Variants in FXN observed in about 807,000 individuals in gnomAD.
The protein encoded by FXN is frataxin, mitochondrial.
Under a neutral mutation model 22.4 loss-of-function variants are expected in FXN, and 14 were observed. That is an observed-to-expected ratio of 0.62 (90% CI 0.41 to 0.98). The LOEUF is 0.98. FXN is among the 50% of genes least tolerant of loss of function. The probability of loss-of-function intolerance (pLI) is 0.00; values close to 1 mark genes in which losing one functional copy is unlikely to be tolerated. For missense variants in FXN, 267 were observed against 268.4 expected (o/e 0.99, Z 0.04); for synonymous variants, 120 against 114.1 (o/e 1.05, Z -0.33).
At chr9:69,038,746 AG>A (rs1831605572) in intron 1 of FXN, among the ~76,000 whole-genome samples, 1 of 152,124 alleles carries the variant, frequency 6.6e-6, no homozygotes, top group Non-Finnish European at 1.5e-5. Flanking sequence ...TGAGCCCAGG[AG>A]GCAGAGGTTG....
At chr9:69,058,345 C>T (rs1477480498) in intron 3 of FXN, among the ~76,000 whole-genome samples, 1 of 152,160 alleles carries the variant, frequency 6.6e-6, no homozygotes, top group African/African-American at 2.4e-5. Context: ...TAAAATCTGC[C>T]TGGAGACTGT....
chr9:69,043,914 G>A (rs888497817), intron 1 of FXN, among the ~76,000 whole-genome samples: 2 of 151,964 alleles, frequency 1.3e-5, no homozygotes, highest in Non-Finnish European at 2.9e-5. Context: ...GTTGAAATGA[G>A]GTCTCTCTAT....
At chr9:69,057,196 A>AT (rs1831976477) in intron 3 of FXN, among the ~76,000 whole-genome samples, 2 of 152,080 alleles carry the variant, frequency 1.3e-5, no homozygotes, top group Non-Finnish European at 2.9e-5. Context: ...AAAACTTAAA[A>AT]TTTTTTTTAG....
chr9:69,078,977 A>T lies in FXN; in HGVS notation c.*6215A>T, dbSNP rs117140455. On this transcript the variant is annotated 3_prime_UTR_variant, in exon 5 of 5. Coordinates refer to ENST00000484259, the MANE Select transcript of FXN (RefSeq NM_000144.5). ...GACTGCTGTTGCCCTAGCATCTTGCACAGTTCCTTGCACACAATTAGAGCT... is the reference window on the plus strand; with the variant it reads ...GACTGCTGTTGCCCTAGCATCTTGCTCAGTTCCTTGCACACAATTAGAGCT... The T allele has an allele frequency of 8.9e-6, 8 of 898,386 alleles. No homozygotes were observed. The East Asian group carries it at 9.5e-4, about 107-fold the overall frequency. The allele number at this position is 898,386 out of a possible 1,614,324, so 55.7% of individuals were successfully genotyped here.
At chr9:69,052,008 C>T (rs911105011) in intron 2 of FXN, among the ~76,000 whole-genome samples, 4 of 152,088 alleles carry the variant, frequency 2.6e-5, no homozygotes, top group Admixed American at 2.6e-4. Context: ...CCACCATGCC[C>T]AGCTAATTTT....
chr9:69,039,728 G>A (rs1032377369), intron 1 of FXN, among the ~76,000 whole-genome samples: 3 of 152,198 alleles, frequency 2.0e-5, no homozygotes, highest in African/African-American at 7.2e-5. Flanking sequence ...ACCGGAGACA[G>A]CTTCGAGAAG....
chr9:69,072,557 G>T, intron 4 of FXN, 55 bp from the exon 5 acceptor site: 1 of 1,612,242 alleles, frequency 6.2e-7, no homozygotes, highest in Non-Finnish European at 8.5e-7. Flanking sequence ...TGGAATCAGT[G>T]GTTCATCTGA....
In FXN at chr9:69,075,367, G is replaced by A; in HGVS notation, c.*2605G>A. ...TTCAGCTACTCAGGAGGCTGAGGCA[G>A]GAGAATCGCTGTAACCTGGGGGGTG... On this transcript the variant is annotated 3_prime_UTR_variant, in exon 5 of 5. Transcript: ENST00000484259. The A allele has an allele frequency of 1.6e-6, 1 of 644,126 alleles. No homozygotes were observed. Among genetic ancestry groups the A allele is most frequent in the African/African-American group, 2.0e-5 (1 of 50,200 alleles). The allele number at this position is 644,126 out of a possible 1,614,324, so 39.9% of individuals were successfully genotyped here. A position where few individuals can be genotyped will look rare whatever the true frequency, so the allele number is the denominator to read the frequency against.
rs1459452530 is a variant in FXN, at chr9:69,077,380, T to G, written c.*4618T>G. 1 of 985,466 alleles carries G rather than the reference T, an allele frequency of 1.0e-6. No individual in the cohort carries two copies. 61.0% of individuals were successfully genotyped at this position (985,466 alleles called of 1,614,324 possible). Reference sequence around the variant, plus strand: ...GCTCATATGTTCCATCTTCTCTGGCTGTATAGTTTAAGGAATGGAAGGCAC... The same window carrying G: ...GCTCATATGTTCCATCTTCTCTGGCGGTATAGTTTAAGGAATGGAAGGCAC... On this transcript the variant is annotated 3_prime_UTR_variant, in exon 5 of 5. Transcript: ENST00000484259.
intron 3 of FXN, among the ~76,000 whole-genome samples, chr9:69,055,740 C>T (rs1329640085): frequency 2.0e-5 from 3 of 151,800 alleles, no homozygotes; most frequent in African/African-American, 7.3e-5. Context: ...GTGATCCACC[C>T]GCCTCAGCCT....
intron 1 of FXN, among the ~76,000 whole-genome samples, chr9:69,037,284 AAAG>A (rs193922938): frequency 1.3e-4 from 10 of 78,044 alleles, no homozygotes; most frequent in East Asian, 6.2e-4. Context: ...AAAAAAAAAA[AAAG>A]AAGAAGAAGA....
At chr9:69,058,570 C>T (rs1832005793) in intron 3 of FXN, among the ~76,000 whole-genome samples, 1 of 151,390 alleles carries the variant, frequency 6.6e-6, no homozygotes, top group Non-Finnish European at 1.5e-5. Flanking sequence ...TCTGGTCCCT[C>T]TCCCAATAAA....
At chr9:69,037,284 A>AAGAAGAAGAAGAAGAAGAAGAAG (rs71353102) in intron 1 of FXN, among the ~76,000 whole-genome samples, 4 of 78,060 alleles carry the variant, frequency 5.1e-5, no homozygotes, top group African/African-American at 1.4e-4. Context: ...AAAAAAAAAA[A>AAGAAGAAGAAGAAGAAGAAGAAG]AAGAAGAAGA....
At chr9:69,046,541 C>A in intron 2 of FXN, 59 bp downstream of exon 2, 1 of 1,198,382 alleles carries the variant, frequency 8.3e-7, no homozygotes, top group South Asian at 1.3e-5. Context: ...CTGCCTCTCC[C>A]ATTAGAACCT....
Position 69,046,484 on chromosome 9 carries a change from T to C in FXN, c.263+2T>C. 1 of 1,608,918 alleles carries C rather than the reference T, an allele frequency of 6.2e-7. No individual in the cohort carries two copies. Among genetic ancestry groups the C allele is most frequent in the East Asian group, 2.2e-5 (1 of 44,840 alleles). ...ATCTGGAACTTTGGGCCACCCAGGGTAAGATAAAACACCTTCCACGTCATA... is the reference window on the plus strand; with the variant it reads ...ATCTGGAACTTTGGGCCACCCAGGGCAAGATAAAACACCTTCCACGTCATA... On this transcript the variant is annotated splice_donor_variant, in intron 2 of 4. Coordinates refer to ENST00000484259, the MANE Select transcript of FXN (RefSeq NM_000144.5). LOFTEE classifies it high-confidence loss of function.
intron 3 of FXN, among the ~76,000 whole-genome samples, chr9:69,057,487 G>A (rs1831981233): frequency 6.6e-6 from 1 of 152,056 alleles, no homozygotes; most frequent in Non-Finnish European, 1.5e-5. Context: ...TATCACTCAA[G>A]GGCAAAATTA....
At chr9:69,047,150 C>A (rs1831770021) in intron 2 of FXN, among the ~76,000 whole-genome samples, 1 of 152,182 alleles carries the variant, frequency 6.6e-6, no homozygotes, top group South Asian at 2.1e-4. Flanking sequence ...CAGTCTACCC[C>A]CTGCCAACCA....
chr9:69,037,980 G>A (rs1831594355), intron 1 of FXN, among the ~76,000 whole-genome samples: 1 of 152,180 alleles, frequency 6.6e-6, no homozygotes, highest in Non-Finnish European at 1.5e-5. Context: ...TTAGGAGAAT[G>A]ACAAGAGGTG....
intron 3 of FXN, among the ~76,000 whole-genome samples, chr9:69,054,280 G>C (rs571094933): frequency 1.6e-4 from 25 of 152,184 alleles, no homozygotes; most frequent in African/African-American, 5.8e-4. Flanking sequence ...GATAACAGGC[G>C]TGAGCCACCA....
Sources: gnomAD v4.1 joint callset for allele counts (sites outside exome capture counted in the v4.1 genomes callset) on GRCh38, gnomAD v4.1.1 for gene constraint, MANE v1.5 for transcripts, NCBI Gene and HGNC (gene_info 2026-07-23, HGNC 2026-07-21) for gene names.